The following RABL3 variants were observed in gnomAD, a reference collection of about 807,000 sequenced individuals.
RABL3 encodes the protein rab-like protein 3.
A neutral mutation model predicts 31.8 loss-of-function variants in RABL3; 31 were observed. The ratio of observed to expected loss-of-function variants is 0.97; its 90% CI spans 0.73 to 1.31. RABL3 has a LOEUF of 1.31. Among genes scored for constraint, RABL3 ranks in the 40% most tolerant of loss-of-function variants. RABL3 has a pLI of 0.00. For synonymous variants in RABL3, 97 were observed against 99.9 expected (o/e 0.97, Z 0.18); for missense variants, 263 against 279.6 (o/e 0.94, Z 0.42).
intron 2 of RABL3, among the ~76,000 whole-genome samples, chr3:120,722,850 G>T (rs1010934557): frequency 6.6e-6 from 1 of 152,072 alleles, no homozygotes; most frequent in African/African-American, 2.4e-5. Flanking sequence ...AAGCAGGAAA[G>T]ATCTAAAATT....
chr3:120,726,224 C>T (rs967849301), intron 2 of RABL3, among the ~76,000 whole-genome samples: 9 of 152,234 alleles, frequency 5.9e-5, no homozygotes, highest in Non-Finnish European at 1.2e-4. Flanking sequence ...AGGTAAGGTG[C>T]ATTTTATAAC....
chr3:120,694,921 C>T (rs1306022665), intron 5 of RABL3, among the ~76,000 whole-genome samples: 1 of 149,980 alleles, frequency 6.7e-6, no homozygotes, highest in African/African-American at 2.4e-5. Flanking sequence ...AACTTTAAAA[C>T]CTTAAAAGGC....
intron 7 of RABL3, 150 bp downstream of exon 7, chr3:120,690,299 C>T: frequency 1.6e-6 from 1 of 618,092 alleles, no homozygotes; most frequent in Non-Finnish European, 2.9e-6. Context: ...TTCTGATTTT[C>T]TCCTTTTGTA....
intron 6 of RABL3, among the ~76,000 whole-genome samples, chr3:120,690,886 T>C (rs1320765686): frequency 1.3e-5 from 2 of 152,192 alleles, no homozygotes; most frequent in African/African-American, 4.8e-5. Context: ...TAGTCTTGTC[T>C]ATTTCTTAAA....
At chr3:120,693,046 G>A (rs1359744320) in intron 6 of RABL3, among the ~76,000 whole-genome samples, 3 of 152,182 alleles carry the variant, frequency 2.0e-5, no homozygotes, top group Non-Finnish European at 4.4e-5. Flanking sequence ...CGTAGAAAAT[G>A]CTAATATTTG....
chr3:120,710,000 C>T (rs1708595154), intron 2 of RABL3, 91 bp from the exon 3 acceptor site: 1 of 896,516 alleles, frequency 1.1e-6, no homozygotes. Context: ...CAGCATCTTA[C>T]TCTGACTTTC....
intron 2 of RABL3, among the ~76,000 whole-genome samples, chr3:120,723,379 G>A (rs1055724160): frequency 9.9e-5 from 15 of 152,168 alleles, no homozygotes; most frequent in Non-Finnish European, 1.6e-4. Flanking sequence ...ACAAGGAGGA[G>A]CTGGTACCAT....
intron 5 of RABL3, among the ~76,000 whole-genome samples, chr3:120,696,160 T>A (rs891431028): frequency 6.6e-6 from 1 of 152,214 alleles, no homozygotes; most frequent in African/African-American, 2.4e-5. Context: ...GTTCACCTAT[T>A]TATAATTTAA....
intron 2 of RABL3, among the ~76,000 whole-genome samples, 163 bp from the exon 3 acceptor site, chr3:120,710,072 G>A (rs957982932): frequency 7.2e-5 from 11 of 152,010 alleles, no homozygotes; most frequent in African/African-American, 2.7e-4. Context: ...TTTTACTCCA[G>A]AGGACCTTAT....
At chr3:120,697,092 G>A (rs968471824) in intron 5 of RABL3, among the ~76,000 whole-genome samples, 2 of 152,118 alleles carry the variant, frequency 1.3e-5, no homozygotes, top group African/African-American at 4.8e-5. Context: ...GCTGTGGGAC[G>A]GTTATTCAAA....
rs1041965161 is a variant in RABL3, at chr3:120,685,033, G to A, written c.*4790C>T. Among the ~76,000 whole-genome samples, 1 of 152,198 alleles carries A rather than the reference G, an allele frequency of 6.6e-6. No homozygotes were observed. The highest frequency in any genetic ancestry group is 2.4e-5 in the African/African-American group (1 of 41,458). On this transcript the variant is annotated 3_prime_UTR_variant, in exon 8 of 8. Coordinates refer to ENST00000273375, the MANE Select transcript of RABL3 (RefSeq NM_173825.5). Reference sequence around the variant, plus strand: ...TGAAAACCATCACAACATAGTGTAAGTGCTCTGACAGGAAAGAGCCCAGGG... The same window carrying A: ...TGAAAACCATCACAACATAGTGTAAATGCTCTGACAGGAAAGAGCCCAGGG...
In RABL3 at chr3:120,706,208, T is replaced by C. The variant is rs1264883774; in HGVS notation, c.269-94A>G. The C allele has an allele frequency of 1.6e-5, 12 of 745,608 alleles. No homozygotes were observed. The East Asian group carries it at 3.1e-4, about 19-fold the overall frequency. The allele number at this position is 745,608 out of a possible 1,614,324, so 46.2% of individuals were successfully genotyped here. A position where few individuals can be genotyped will look rare whatever the true frequency, so the allele number is the denominator to read the frequency against. On this transcript the variant is annotated intron_variant, in intron 3 of 7. Transcript: ENST00000273375. Reference sequence around the variant, plus strand: ...AAGCTTAGTAAACAGAAGCATTAGGTTGCTTAATGAATCTAGCATTCTAGT... The same window carrying C: ...AAGCTTAGTAAACAGAAGCATTAGGCTGCTTAATGAATCTAGCATTCTAGT...
chr3:120,740,034 T>C (rs569040313), intron 1 of RABL3, among the ~76,000 whole-genome samples: 1 of 152,332 alleles, frequency 6.6e-6, no homozygotes, highest in East Asian at 1.9e-4. Context: ...TTTTCACCTT[T>C]AGAACTAAAT....
chr3:120,732,565 GTTTAT>G (rs1197329512), intron 1 of RABL3, among the ~76,000 whole-genome samples: 2 of 151,466 alleles, frequency 1.3e-5, no homozygotes, highest in Non-Finnish European at 3.0e-5. Context: ...TTATTTATTT[GTTTAT>G]TTTATTATTA....
chr3:120,707,924 G>A (rs1463878885), intron 3 of RABL3, among the ~76,000 whole-genome samples: 1 of 152,058 alleles, frequency 6.6e-6, no homozygotes, highest in African/African-American at 2.4e-5. Flanking sequence ...GAGTCAGGGT[G>A]ATATGATAAT....
chr3:120,699,042 T>C (rs1284881178), intron 4 of RABL3, among the ~76,000 whole-genome samples: 1 of 152,214 alleles, frequency 6.6e-6, no homozygotes, highest in Non-Finnish European at 1.5e-5. Flanking sequence ...GCTTCTTGGG[T>C]ACCTTTTGGG....
chr3:120,718,497 T>G (rs1045431663), intron 2 of RABL3, among the ~76,000 whole-genome samples: 3 of 152,250 alleles, frequency 2.0e-5, no homozygotes, highest in African/African-American at 7.2e-5. Context: ...TTAAACACTT[T>G]GATATCCACT....
intron 5 of RABL3, among the ~76,000 whole-genome samples, chr3:120,696,095 G>A (rs1043022334): frequency 1.3e-5 from 2 of 152,136 alleles, no homozygotes; most frequent in African/African-American, 2.4e-5. Flanking sequence ...ACGTAACAGA[G>A]AAAAGTTTTT....
At chr3:120,712,175 T>C (rs1380846718) in intron 2 of RABL3, among the ~76,000 whole-genome samples, 1 of 152,126 alleles carries the variant, frequency 6.6e-6, no homozygotes, top group Non-Finnish European at 1.5e-5. Context: ...AAAATTTAAA[T>C]AAATATGCTA....
Sources: gnomAD v4.1 joint callset for allele counts (sites outside exome capture counted in the v4.1 genomes callset) on GRCh38, gnomAD v4.1.1 for gene constraint, MANE v1.5 for transcripts, NCBI Gene and HGNC (gene_info 2026-07-23, HGNC 2026-07-21) for gene names.